The following GADL1 variants were observed in gnomAD, a reference collection of about 807,000 sequenced individuals.
The protein encoded by GADL1 is GAD like acidic amino acid decarboxylase 1.
In GADL1, 71 loss-of-function variants were observed where a neutral mutation model predicts 69.5. The ratio of observed to expected loss-of-function variants is 1.02; its 90% CI spans 0.84 to 1.25. The LOEUF is 1.25. GADL1 is among the 50% of genes most tolerant of loss of function. The pLI is 0.00. For missense variants in GADL1, 737 were observed against 631.8 expected, an observed-to-expected ratio of 1.17 and a Z score of -1.79; for synonymous variants, 254 against 214.4, an observed-to-expected ratio of 1.18 and a Z score of -1.62.
intron 8 of GADL1, among the ~76,000 whole-genome samples, chr3:30,840,541 T>C (rs1697949103): frequency 6.6e-6 from 1 of 152,176 alleles, no homozygotes; most frequent in African/African-American, 2.4e-5. Flanking sequence ...CTAAAGGACA[T>C]AAGACCAGCT....
At position 30,854,702 on chromosome 3, in the gene GADL1, C is replaced by A. The variant is rs1457084015; in HGVS notation, c.425G>T (p.Ser142Ile). Residue 142 changes from serine (S) to isoleucine (I), a missense_variant, in exon 4 of 15, where the codon AGT becomes ATT. By Grantham distance (142) the Ser-to-Ile change is moderately radical. Transcript: ENST00000282538. ...ARFMTEALNP[S>I]VYTYEVSPVF... ...ATTTCTATAGCATGGCACTTACACA[C>A]TTGGATTCAATGCTTCGGTCATAAA... 6.5e-7 allele frequency: 1 copy of A among 1,539,828 alleles called. No homozygotes were observed. The highest frequency in any genetic ancestry group is 2.0e-5 in the Admixed American group (1 of 50,884).
intron 1 of GADL1, among the ~76,000 whole-genome samples, chr3:30,881,065 G>A (rs1698634631): frequency 6.6e-6 from 1 of 151,918 alleles, no homozygotes; most frequent in South Asian, 2.1e-4. Flanking sequence ...TCCCAGTGCA[G>A]TTAAGTGAGT....
intron 1 of GADL1, among the ~76,000 whole-genome samples, chr3:30,885,475 G>C (rs757070030): frequency 2.6e-5 from 4 of 151,676 alleles, no homozygotes; most frequent in Non-Finnish European, 2.9e-5. Flanking sequence ...CAAAACAAAA[G>C]CTTCATCCCC....
intron 11 of GADL1, among the ~76,000 whole-genome samples, chr3:30,805,961 C>T (rs554628678): frequency 1.9e-4 from 29 of 151,932 alleles, no homozygotes; most frequent in African/African-American, 6.3e-4. Context: ...ACTGATCTTG[C>T]GGGAGGAGGA....
chr3:30,871,779 C>G (rs1167878767), intron 1 of GADL1, among the ~76,000 whole-genome samples: 4 of 151,824 alleles, frequency 2.6e-5, no homozygotes, highest in Non-Finnish European at 5.9e-5. Context: ...TAAACACCAT[C>G]CAGCTTCTGA....
intron 11 of GADL1, among the ~76,000 whole-genome samples, chr3:30,808,234 G>A (rs557525811): frequency 3.1e-4 from 47 of 152,050 alleles, no homozygotes; most frequent in Non-Finnish European, 6.3e-4. Context: ...AGTGGCCTAC[G>A]CCTGTAATCC....
intron 14 of GADL1, among the ~76,000 whole-genome samples, chr3:30,759,234 TCTC>T (rs1458673302): frequency 1.6e-3 from 236 of 149,632 alleles, no homozygotes; most frequent in Non-Finnish European, 2.6e-3. Context: ...TCTCTTTAGC[TCTC>T]ACAATGATTA....
At chr3:30,780,875 T>C (rs1696650928) in intron 13 of GADL1, among the ~76,000 whole-genome samples, 1 of 152,212 alleles carries the variant, frequency 6.6e-6, no homozygotes, top group Non-Finnish European at 1.5e-5. Context: ...AATTAAGAGT[T>C]GAAAAAGTCT....
chr3:30,826,532 A>AT (rs1431912966), intron 11 of GADL1, among the ~76,000 whole-genome samples: 1 of 151,930 alleles, frequency 6.6e-6, no homozygotes, highest in East Asian at 1.9e-4. Flanking sequence ...AACTGACAAA[A>AT]TAAATGTAGT....
intron 14 of GADL1, among the ~76,000 whole-genome samples, chr3:30,771,469 C>T (rs1696416655): frequency 2.0e-5 from 3 of 152,148 alleles, no homozygotes; most frequent in Non-Finnish European, 4.4e-5. Flanking sequence ...ATCTACAATG[C>T]CAGCCACTAT....
At chr3:30,731,069 G>T (rs1373732582) in intron 14 of GADL1, among the ~76,000 whole-genome samples, 2 of 152,194 alleles carry the variant, frequency 1.3e-5, no homozygotes, top group African/African-American at 4.8e-5. Flanking sequence ...GTGAGAAAAA[G>T]ACAACAGTAG....
At chr3:30,869,634 A>T (rs911202719) in intron 1 of GADL1, among the ~76,000 whole-genome samples, 17 of 150,756 alleles carry the variant, frequency 1.1e-4, no homozygotes, top group East Asian at 7.9e-4. Flanking sequence ...ATTTTATTTT[A>T]TTTTTTTTTG....
intron 1 of GADL1, among the ~76,000 whole-genome samples, chr3:30,879,663 A>G (rs1698618642): frequency 6.6e-6 from 1 of 151,880 alleles, no homozygotes; most frequent in African/African-American, 2.4e-5. Flanking sequence ...CTCTTGCTTA[A>G]TCCTTCTTTC....
chr3:30,770,968 TAAGC>T (rs1250069628), intron 14 of GADL1, among the ~76,000 whole-genome samples: 6 of 152,098 alleles, frequency 3.9e-5, no homozygotes, highest in Non-Finnish European at 5.9e-5. Flanking sequence ...AATCAGCAAA[TAAGC>T]AAAGTAATAA....
At chr3:30,753,578 C>T (rs1266163239) in intron 14 of GADL1, among the ~76,000 whole-genome samples, 1 of 151,260 alleles carries the variant, frequency 6.6e-6, no homozygotes, top group South Asian at 2.1e-4. Flanking sequence ...TTCAAACAAG[C>T]GTCGGAAGAC....
At chr3:30,865,105 A>C (rs1698378362) in intron 1 of GADL1, among the ~76,000 whole-genome samples, 1 of 151,804 alleles carries the variant, frequency 6.6e-6, no homozygotes, top group Non-Finnish European at 1.5e-5. Flanking sequence ...CTCCAAGCTC[A>C]CACAGCTCTA....
chr3:30,855,252 A>G (rs983403228), intron 3 of GADL1, among the ~76,000 whole-genome samples: 1 of 152,120 alleles, frequency 6.6e-6, no homozygotes, highest in Non-Finnish European at 1.5e-5. Flanking sequence ...GTAAAATCTG[A>G]GTTGTCTTTT....
intron 11 of GADL1, among the ~76,000 whole-genome samples, chr3:30,807,395 G>A (rs375243479): frequency 1.3e-5 from 2 of 152,134 alleles, no homozygotes; most frequent in Admixed American, 1.3e-4. Context: ...CTGAGTTGAC[G>A]AAAATATTAC....
intron 7 of GADL1, 36 bp from the exon 8 acceptor site, chr3:30,844,300 T>TAGTA (rs1257976991): frequency 6.3e-7 from 1 of 1,592,044 alleles, no homozygotes; most frequent in African/African-American, 1.3e-5. Context: ...CAGTTATGTT[T>TAGTA]AGTAATTAAC....
Sources: gnomAD v4.1 joint callset for allele counts (sites outside exome capture counted in the v4.1 genomes callset) on GRCh38, gnomAD v4.1.1 for gene constraint, MANE v1.5 for transcripts, NCBI Gene and HGNC (gene_info 2026-07-23, HGNC 2026-07-21) for gene names.